ATF2: variants seen among roughly 807,000 people sequenced by gnomAD.
The protein encoded by ATF2 is cyclic AMP-dependent transcription factor ATF-2.
A neutral mutation model predicts 60.6 loss-of-function variants in ATF2; 24 were observed. The ratio of observed to expected loss-of-function variants is 0.40; its 90% CI spans 0.29 to 0.56. The LOEUF (loss-of-function observed/expected upper bound fraction) is 0.56. Ranked by LOEUF, ATF2 falls within the 20% of genes least tolerant of loss-of-function variation. The pLI is 0.54. For missense variants in ATF2, 433 were observed against 607.7 expected (o/e 0.71, Z 3.02); for synonymous variants, 206 against 215.4 (o/e 0.96, Z 0.38).
At chr2:175,093,918 A>G (rs1310289479) in intron 11 of ATF2, among the ~76,000 whole-genome samples, 1 of 152,194 alleles carries the variant, frequency 6.6e-6, no homozygotes, top group Non-Finnish European at 1.5e-5. Context: ...CTTAATTTTC[A>G]TTTTAATTGT....
At chr2:175,092,748 GTGATATTTTTA>G (rs776035614) in intron 12 of ATF2, 81 of 382,762 alleles carry the variant, frequency 2.1e-4, no homozygotes, top group Non-Finnish European at 3.7e-4. Context: ...TGAAATAACA[GTGATATTTTTA>G]AATTTTAAAA....
chr2:175,131,602 G>A (rs779129078), intron 3 of ATF2, among the ~76,000 whole-genome samples: 2 of 152,104 alleles, frequency 1.3e-5, no homozygotes, highest in Non-Finnish European at 1.5e-5. Context: ...TGATATCTGC[G>A]ATTTATCTAA....
intron 1 of ATF2, among the ~76,000 whole-genome samples, chr2:175,154,183 C>T (rs1343584669): frequency 6.7e-6 from 1 of 150,130 alleles, no homozygotes; most frequent in Non-Finnish European, 1.5e-5. Flanking sequence ...CACTGCACTC[C>T]AGCCTAGGCA....
At chr2:175,084,213 A>G (rs1693974970) in intron 12 of ATF2, among the ~76,000 whole-genome samples, 1 of 152,110 alleles carries the variant, frequency 6.6e-6, no homozygotes, top group African/African-American at 2.4e-5. Flanking sequence ...TTGCAGCACT[A>G]TTCACAATAG....
At chr2:175,141,659 A>AT (rs913722476) in intron 2 of ATF2, among the ~76,000 whole-genome samples, 1 of 151,524 alleles carries the variant, frequency 6.6e-6, no homozygotes, top group African/African-American at 2.4e-5. Flanking sequence ...TGCCCGGCTA[A>AT]TTTTTTTGTA....
At chr2:175,142,720 A>AGAGAGAGAGTGTGT (rs1491359659) in intron 2 of ATF2, among the ~76,000 whole-genome samples, 1 of 71,098 alleles carries the variant, frequency 1.4e-5, no homozygotes, top group African/African-American at 4.7e-5. Flanking sequence ...AGAGAGAGAG[A>AGAGAGAGAGTGTGT]GTGTGTGTGT....
intron 8 of ATF2, 60 bp downstream of exon 8, chr2:175,114,630 A>C (rs1185283924): frequency 6.4e-7 from 1 of 1,563,966 alleles, no homozygotes; most frequent in East Asian, 2.3e-5. Context: ...TCTTAGGAAA[A>C]ATCATTACAA....
chr2:175,084,869 C>A (rs1694044731), intron 12 of ATF2, among the ~76,000 whole-genome samples: 1 of 152,082 alleles, frequency 6.6e-6, no homozygotes, highest in Non-Finnish European at 1.5e-5. Context: ...CAGAGCACAG[C>A]ACATTGCCTG....
chr2:175,099,057 C>A (rs1385677753), intron 10 of ATF2, among the ~76,000 whole-genome samples: 3 of 149,512 alleles, frequency 2.0e-5, no homozygotes, highest in Non-Finnish European at 4.4e-5. Flanking sequence ...ATATAAGTTA[C>A]ACATAGCAAG....
At chr2:175,075,054 A>C in intron 13 of ATF2, 1 of 1,413,090 alleles carries the variant, frequency 7.1e-7, no homozygotes, top group African/African-American at 1.4e-5. Context: ...CTGGGTGCCC[A>C]CTGCCTTATG....
chr2:175,074,875 C>A, intron 13 of ATF2, 40 bp from the exon 14 acceptor site: 1 of 1,607,524 alleles, frequency 6.2e-7, no homozygotes, highest in Non-Finnish European at 8.5e-7. Flanking sequence ...TTCCTAAAAT[C>A]GGTAAGAATG....
chr2:175,118,195 C>T, intron 6 of ATF2, 56 bp downstream of exon 6: 1 of 1,591,138 alleles, frequency 6.3e-7, no homozygotes, highest in South Asian at 1.1e-5. Flanking sequence ...GAAGTATAAA[C>T]TATGATTACT....
rs181197492 is a variant in ATF2, at chr2:175,093,383, C to T, written c.979-116G>A. The T allele has an allele frequency of 1.6e-5, 16 of 991,474 alleles. No individual in the cohort carries two copies. In the East Asian group the frequency reaches 2.4e-4, roughly 15 times the overall value. 61.4% of individuals were successfully genotyped at this position (991,474 alleles called of 1,614,324 possible). A position where few individuals can be genotyped will look rare whatever the true frequency, so the allele number is the denominator to read the frequency against. On this transcript the variant is annotated intron_variant, in intron 11 of 13. Transcript: ENST00000264110. ...TGTATTTTCTAAGTCTTGTTGAATA[C>T]ATCAGTATGTTGGGGCAATATGAAA...
intron 5 of ATF2, among the ~76,000 whole-genome samples, chr2:175,118,669 T>C (rs529391698): frequency 3.3e-5 from 5 of 151,694 alleles, no homozygotes; most frequent in Non-Finnish European, 5.9e-5. Flanking sequence ...TAAACTATTA[T>C]TATCTAACAC....
chr2:175,145,331 C>T (rs1574477934), intron 2 of ATF2, among the ~76,000 whole-genome samples: 3 of 152,150 alleles, frequency 2.0e-5, no homozygotes, highest in Admixed American at 6.5e-5. Flanking sequence ...TGGCTCAGTG[C>T]TGTCCTCTCA....
chr2:175,105,130 A>C (rs960550072), intron 10 of ATF2, among the ~76,000 whole-genome samples: 1 of 152,186 alleles, frequency 6.6e-6, no homozygotes, highest in Non-Finnish European at 1.5e-5. Context: ...CGTGTTTAAG[A>C]TTATATTTTA....
intron 4 of ATF2, among the ~76,000 whole-genome samples, chr2:175,128,738 T>G (rs903528083): frequency 6.6e-6 from 1 of 152,088 alleles, no homozygotes; most frequent in African/African-American, 2.4e-5. Flanking sequence ...CATCAAAAGA[T>G]ATTATTACGA....
intron 9 of ATF2, 100 bp downstream of exon 9, chr2:175,113,894 T>G: frequency 1.0e-6 from 1 of 974,372 alleles, no homozygotes. Flanking sequence ...ATCAATATTA[T>G]GTTAAATTCA....
chr2:175,107,942 C>T (rs1163240870), intron 10 of ATF2, among the ~76,000 whole-genome samples: 2 of 152,154 alleles, frequency 1.3e-5, no homozygotes, highest in African/African-American at 4.8e-5. Context: ...AGCCGCCTGC[C>T]TTGGCCTCCC....
Sources: allele counts gnomAD v4.1 joint callset (sites outside exome capture counted in the v4.1 genomes callset), GRCh38; gene constraint gnomAD v4.1.1; transcripts MANE v1.5; gene names NCBI Gene and HGNC (gene_info 2026-07-23, HGNC 2026-07-21).